SORCS1: variants seen among roughly 807,000 people sequenced by gnomAD.
The protein encoded by SORCS1 is VPS10 domain-containing receptor SorCS1.
SORCS1 carries 60 observed loss-of-function variants against 146.1 expected under a neutral mutation model. The ratio of observed to expected loss-of-function variants is 0.41; its 90% CI spans 0.33 to 0.51. SORCS1 has a LOEUF of 0.51. Ranked by LOEUF, SORCS1 falls within the 20% of genes least tolerant of loss-of-function variation. The pLI is 0.21. For missense variants in SORCS1, 1,352 were observed against 1,487.6 expected (o/e 0.91, Z 1.50); for synonymous variants, 637 against 584.0 (o/e 1.09, Z -1.31).
chr10:106,577,681 G>C, intron 25 of SORCS1, 126 bp from the exon 26 acceptor site: 1 of 1,487,810 alleles, frequency 6.7e-7, no homozygotes, highest in Non-Finnish European at 8.9e-7. Flanking sequence ...AAAGCAAACA[G>C]AGGCTGTGCT....
intron 1 of SORCS1, among the ~76,000 whole-genome samples, chr10:106,997,979 TCAG>T (rs1342723109): frequency 1.3e-5 from 2 of 152,202 alleles, no homozygotes; most frequent in Non-Finnish European, 2.9e-5. Context: ...CTTCCCAGAT[TCAG>T]CAGATTTGTT....
chr10:106,859,027 C>T (rs1399169186), intron 2 of SORCS1, among the ~76,000 whole-genome samples: 1 of 152,216 alleles, frequency 6.6e-6, no homozygotes, highest in Non-Finnish European at 1.5e-5. Flanking sequence ...TAGCAGCTCC[C>T]CCTCACAGAT....
At position 106,790,803 on chromosome 10, in the gene SORCS1, G is replaced by A. The variant is rs185065373; in HGVS notation, c.727-14111C>T. 2.4e-3 allele frequency among the ~76,000 whole-genome samples: 360 copies of A among 152,246 alleles called. 4 individuals are homozygous for A. Among genetic ancestry groups the A allele is most frequent in the African/African-American group, 8.3e-3 (344 of 41,528 alleles). ...TTGTCCGATGTCTAGCTCTTGCTAG[G>A]TATGAATCTTTGTGTCAAAGATACA... On this transcript the variant is annotated intron_variant, in intron 3 of 25. Coordinates refer to ENST00000263054, the MANE Select transcript of SORCS1 (RefSeq NM_052918.5).
chr10:107,078,776 A>G (rs1963094377), intron 1 of SORCS1, among the ~76,000 whole-genome samples: 1 of 152,206 alleles, frequency 6.6e-6, no homozygotes, highest in African/African-American at 2.4e-5. Flanking sequence ...GCACTTAACA[A>G]TATTAAGGCC....
Position 106,652,559 on chromosome 10 carries a change from T to G in SORCS1, c.2304-6A>C. ...TGGAAACCACCTTCCTGTACCTAAA[T>G]GGAAAAAAGCTCAAGTCGTAAACCA... On this transcript the variant is annotated splice_polypyrimidine_tract_variant and splice_region_variant and intron_variant, in intron 17 of 25. Transcript: ENST00000263054. 6.2e-7 allele frequency: 1 copy of G among 1,609,204 alleles called. No homozygotes were observed.
At chr10:106,900,254 C>T (rs1951650877) in intron 2 of SORCS1, among the ~76,000 whole-genome samples, 1 of 152,122 alleles carries the variant, frequency 6.6e-6, no homozygotes, top group Admixed American at 6.6e-5. Context: ...GTTCAGAGCC[C>T]ATGTCTCAGC....
chr10:106,828,737 T>C (rs944425820), intron 3 of SORCS1, among the ~76,000 whole-genome samples: 2 of 152,208 alleles, frequency 1.3e-5, no homozygotes, highest in African/African-American at 4.8e-5. Flanking sequence ...AAGGTATAGA[T>C]GTAGTACCAC....
At position 107,094,307 on chromosome 10, in the gene SORCS1, T is replaced by C. The variant is rs570640889; in HGVS notation, c.558+69662A>G. On this transcript the variant is annotated intron_variant, in intron 1 of 25. Coordinates refer to ENST00000263054, the MANE Select transcript of SORCS1 (RefSeq NM_052918.5). ...AAACATCCTTCAATCAAATAGAGAA[T>C]CTTAAATCACTGGGAAATCCTTTCT... Among the ~76,000 whole-genome samples, 4 of 152,322 alleles carry C rather than the reference T, an allele frequency of 2.6e-5. No individual in the cohort carries two copies. In the South Asian group the frequency reaches 8.3e-4, roughly 32 times the overall value.
rs997329515 is a variant in SORCS1, at chr10:106,974,449, T to C, written c.559-17869A>G. Among the ~76,000 whole-genome samples the C allele has an allele frequency of 2.8e-4, 43 of 152,140 alleles. 1 individual carries two copies. Among genetic ancestry groups the C allele is most frequent in the Admixed American group, 2.7e-3 (41 of 15,274 alleles). ...AATGCAAATGTGAAGCCCAGTGATG[T>C]TTGGGTGGAGAGTGAATATGGTGAT... On this transcript the variant is annotated intron_variant, in intron 1 of 25. Transcript: ENST00000263054.
intron 23 of SORCS1, among the ~76,000 whole-genome samples, chr10:106,598,564 C>T (rs191633288): frequency 3.3e-5 from 5 of 152,118 alleles, no homozygotes; most frequent in Admixed American, 2.0e-4. Flanking sequence ...CCGGCCCACT[C>T]CTATTACTTT....
intron 1 of SORCS1, among the ~76,000 whole-genome samples, chr10:106,959,314 T>C (rs1306177527): frequency 2.0e-5 from 3 of 152,186 alleles, no homozygotes; most frequent in Admixed American, 6.5e-5. Flanking sequence ...ATCAATCTAT[T>C]TAATCTTTCT....
rs139519142 is a variant in SORCS1, at chr10:106,576,636, C to T, written c.*784G>A. ...CCCTTCCTTCCTTATTCTACCGGCA[C>T]AAAGGGATCTTCAACTCGCATCTTT... On this transcript the variant is annotated 3_prime_UTR_variant, in exon 26 of 26. Transcript: ENST00000263054. 4,528 of 152,372 alleles carry T rather than the reference C, an allele frequency of 0.03. 105 individuals carry two copies. Among genetic ancestry groups the T allele is most frequent in the Non-Finnish European group, 0.049 (3,369 of 68,078 alleles). 9.4% of individuals were successfully genotyped at this position (152,372 alleles called of 1,614,324 possible). A position where few individuals can be genotyped will look rare whatever the true frequency, so the allele number is the denominator to read the frequency against.
At chr10:106,695,208 T>C (rs907917270) in intron 9 of SORCS1, among the ~76,000 whole-genome samples, 2 of 152,194 alleles carry the variant, frequency 1.3e-5, no homozygotes, top group African/African-American at 4.8e-5. Context: ...CATGTGTAAA[T>C]ATAGCCTGAA....
At chr10:107,007,167 G>A (rs1402016143) in intron 1 of SORCS1, among the ~76,000 whole-genome samples, 1 of 152,160 alleles carries the variant, frequency 6.6e-6, no homozygotes, top group African/African-American at 2.4e-5. Context: ...CTATGAAAGT[G>A]GTAACTGTGT....
intron 1 of SORCS1, among the ~76,000 whole-genome samples, chr10:107,019,137 T>C (rs1168073169): frequency 1.3e-5 from 2 of 152,232 alleles, no homozygotes; most frequent in Non-Finnish European, 2.9e-5. Flanking sequence ...CATAAATATA[T>C]GATGCAGACT....
rs148948020 is a variant in SORCS1 at position 107,044,148 on chromosome 10, T to C, written c.559-87568A>G. 1.2e-3 allele frequency among the ~76,000 whole-genome samples: 178 copies of C among 152,348 alleles called. 4 individuals are homozygous for C. The East Asian group carries it at 0.029, about 25-fold the overall frequency. ...CCATGTATAATGAAATCAGGAGATCTTTCTTTTTAACCATTTGTTTTCAAT... is the reference window on the plus strand; with the variant it reads ...CCATGTATAATGAAATCAGGAGATCCTTCTTTTTAACCATTTGTTTTCAAT... On this transcript the variant is annotated intron_variant, in intron 1 of 25. Coordinates refer to ENST00000263054, the MANE Select transcript of SORCS1 (RefSeq NM_052918.5).
chr10:106,844,069 TA>T (rs1185044339), intron 2 of SORCS1, among the ~76,000 whole-genome samples: 8 of 152,222 alleles, frequency 5.3e-5, no homozygotes. Flanking sequence ...GATATTTTGA[TA>T]AAAAACATCC....
intron 3 of SORCS1, among the ~76,000 whole-genome samples, chr10:106,792,676 T>G (rs1276926595): frequency 1.3e-5 from 2 of 152,244 alleles, no homozygotes; most frequent in East Asian, 1.9e-4. Flanking sequence ...ATAGAGTAAC[T>G]AACCAACATT....
chr10:107,151,454 T>C, intron 1 of SORCS1, among the ~76,000 whole-genome samples: 1 of 152,018 alleles, frequency 6.6e-6, no homozygotes. Context: ...TGGGGAGATC[T>C]CAGAATGATG....
Sources: allele counts gnomAD v4.1 joint callset (sites outside exome capture counted in the v4.1 genomes callset), GRCh38; gene constraint gnomAD v4.1.1; transcripts MANE v1.5; gene names NCBI Gene and HGNC (gene_info 2026-07-23, HGNC 2026-07-21).